The following ELMO1 variants were observed in gnomAD, a reference collection of about 807,000 sequenced individuals.
The protein encoded by ELMO1 is engulfment and cell motility protein 1.
ELMO1 carries 26 observed loss-of-function variants against 98.9 expected under a neutral mutation model. That is an observed-to-expected ratio of 0.26 (90% CI 0.19 to 0.36). The LOEUF (loss-of-function observed/expected upper bound fraction) is 0.36, where lower values mean the gene tolerates loss of function less well. Ranked by LOEUF, ELMO1 falls within the 10% of genes least tolerant of loss-of-function variation. The probability of loss-of-function intolerance (pLI) is 1.00; values close to 1 mark genes in which losing one functional copy is unlikely to be tolerated. For synonymous variants in ELMO1, 346 were observed against 346.0 expected, an observed-to-expected ratio of 1.00 and a Z score of 0.00; for missense variants, 627 against 935.2, an observed-to-expected ratio of 0.67 and a Z score of 4.30.
intron 4 of ELMO1, among the ~76,000 whole-genome samples, chr7:37,306,532 A>G (rs1037049627): frequency 2.6e-5 from 4 of 152,188 alleles, no homozygotes; most frequent in African/African-American, 9.7e-5. Context: ...TCATGCAGGA[A>G]TAGTGGAAAG....
chr7:37,178,268 A>C (rs1454477242), intron 13 of ELMO1, among the ~76,000 whole-genome samples: 2 of 152,064 alleles, frequency 1.3e-5, no homozygotes, highest in Admixed American at 1.3e-4. Flanking sequence ...GGAGAGAATA[A>C]GAACCAAGCA....
At chr7:37,333,290 A>G (rs1207648035) in intron 2 of ELMO1, among the ~76,000 whole-genome samples, 1 of 152,206 alleles carries the variant, frequency 6.6e-6, no homozygotes, top group Non-Finnish European at 1.5e-5. Context: ...CCTAACAGGA[A>G]AATAAGCACA....
chr7:37,219,898 C>T (rs955909888), intron 10 of ELMO1, among the ~76,000 whole-genome samples: 21 of 152,296 alleles, frequency 1.4e-4, no homozygotes, highest in Middle Eastern at 6.8e-3. Context: ...TGATGGCTGA[C>T]TTTGGTCAAT....
chr7:37,095,426 A>G (rs973717976), intron 15 of ELMO1, among the ~76,000 whole-genome samples: 2 of 152,222 alleles, frequency 1.3e-5, no homozygotes, highest in African/African-American at 2.4e-5. Flanking sequence ...CAAGTCAAGG[A>G]TCCATGTAAA....
chr7:37,101,360 C>T (rs977819740), intron 14 of ELMO1, among the ~76,000 whole-genome samples: 4 of 152,242 alleles, frequency 2.6e-5, no homozygotes, highest in East Asian at 1.9e-4. Flanking sequence ...TACAGAGAAA[C>T]GCCACACTTT....
At chr7:37,151,087 T>C (rs1366719125) in intron 13 of ELMO1, among the ~76,000 whole-genome samples, 1 of 152,178 alleles carries the variant, frequency 6.6e-6, no homozygotes, top group Non-Finnish European at 1.5e-5. Context: ...TCTGCCCACA[T>C]CATTTCAAAC....
In ELMO1 at chr7:37,437,915, G is replaced by A. The variant is rs1374936259; in HGVS notation, c.-74+10760C>T. On this transcript the variant is annotated intron_variant, in intron 1 of 21. Transcript: ENST00000310758. ...GTGAACCCGGGAAGCGGAGCTTGCA[G>A]TGAGCCGAGATTGCGCCACTGCAGT... 2.9e-4 allele frequency among the ~76,000 whole-genome samples: 4 copies of A among 13,596 alleles called. 2 individuals carry two copies. The highest frequency in any genetic ancestry group is 1.7e-3 in the Admixed American group (2 of 1,158). 8.9% of individuals were successfully genotyped at this position (13,596 alleles called of 152,430 possible).
At chr7:37,227,507 T>C (rs909228038) in intron 8 of ELMO1, among the ~76,000 whole-genome samples, 1 of 152,324 alleles carries the variant, frequency 6.6e-6, no homozygotes, top group African/African-American at 2.4e-5. Context: ...TGCCTCAGCC[T>C]CTTAAGTAGC....
intron 1 of ELMO1, among the ~76,000 whole-genome samples, chr7:37,346,605 G>A (rs962932088): frequency 6.6e-5 from 10 of 152,106 alleles, no homozygotes; most frequent in African/African-American, 1.9e-4. Context: ...ACTTCAGTTC[G>A]ACATCCAAGT....
rs79697562 is a variant in ELMO1, at chr7:37,217,606, G to C, written c.781-911C>G. The C allele has an allele frequency of 1.2e-3, 526 of 423,798 alleles. 3 individuals carry two copies. The highest frequency in any genetic ancestry group is 9.6e-3 in the African/African-American group (469 of 48,752). 26.3% of individuals were successfully genotyped at this position (423,798 alleles called of 1,614,324 possible). A position where few individuals can be genotyped will look rare whatever the true frequency, so the allele number is the denominator to read the frequency against. The stretch of plus-strand genomic sequence containing the variant: ...AAAGCAAAGAAAACCAAGAACATGG[G>C]GGGTGGGGGAGATTTCTGAGGAGGG... On this transcript the variant is annotated intron_variant, in intron 10 of 21. Coordinates refer to ENST00000310758, the MANE Select transcript of ELMO1 (RefSeq NM_014800.11).
intron 16 of ELMO1, among the ~76,000 whole-genome samples, chr7:36,970,804 C>T (rs1789874799): frequency 6.6e-6 from 1 of 152,218 alleles, no homozygotes; most frequent in African/African-American, 2.4e-5. Flanking sequence ...CAGAGCTGGC[C>T]ACTCAGTCTG....
At chr7:37,057,021 G>GT (rs201141574) in intron 15 of ELMO1, among the ~76,000 whole-genome samples, 2,152 of 152,212 alleles carry the variant, frequency 0.014, 18 homozygotes, top group Middle Eastern at 0.041. Flanking sequence ...AAAAATATCT[G>GT]TATTATATTT....
intron 16 of ELMO1, among the ~76,000 whole-genome samples, chr7:36,898,900 G>A (rs892907471): frequency 6.6e-6 from 1 of 152,220 alleles, no homozygotes; most frequent in African/African-American, 2.4e-5. Context: ...TCACAGGGGA[G>A]CAAGGGGTCA....
chr7:37,448,157 G>A (rs532599960), intron 1 of ELMO1, among the ~76,000 whole-genome samples: 115 of 151,504 alleles, frequency 7.6e-4, no homozygotes, highest in Middle Eastern at 3.5e-3. Flanking sequence ...CTCGCCGGGG[G>A]ATTCCCTCCC....
chr7:37,016,396 C>A (rs908771782), intron 15 of ELMO1, among the ~76,000 whole-genome samples: 5 of 152,074 alleles, frequency 3.3e-5, no homozygotes, highest in Non-Finnish European at 7.4e-5. Context: ...ATAAATAACA[C>A]CTTCCATCAT....
intron 1 of ELMO1, among the ~76,000 whole-genome samples, chr7:37,398,468 G>C (rs905284234): frequency 2.0e-5 from 3 of 152,192 alleles, no homozygotes; most frequent in Admixed American, 2.0e-4. Flanking sequence ...GGAGGAACCA[G>C]AAAGCGATGG....
Position 37,347,907 on chromosome 7 carries a change from T to C in ELMO1, c.-73-5144A>G, listed in dbSNP as rs148715213. Among the ~76,000 whole-genome samples the C allele has an allele frequency of 3.6e-3, 551 of 152,220 alleles. 4 individuals are homozygous for C. Among genetic ancestry groups the C allele is most frequent in the Non-Finnish European group, 5.8e-3 (392 of 68,012 alleles). On this transcript the variant is annotated intron_variant, in intron 1 of 21. Transcript: ENST00000310758. The stretch of plus-strand genomic sequence containing the variant: ...CCAACTCCTCTTGGTGAGGCATAAC[T>C]GAGAAGGAAATACATTCTAAAATCT...
intron 21 of ELMO1, among the ~76,000 whole-genome samples, chr7:36,858,272 A>G (rs1802356695): frequency 6.6e-6 from 1 of 152,168 alleles, no homozygotes; most frequent in South Asian, 2.1e-4. Context: ...ACCTTTTGCA[A>G]CCTCTAATGG....
At chr7:37,200,516 G>A (rs191131545) in intron 13 of ELMO1, among the ~76,000 whole-genome samples, 2 of 152,178 alleles carry the variant, frequency 1.3e-5, no homozygotes, top group African/African-American at 4.8e-5. Flanking sequence ...CAGGCAGGGT[G>A]CTGGCAATCC....
Sources: gnomAD v4.1 joint callset for allele counts (sites outside exome capture counted in the v4.1 genomes callset) on GRCh38, gnomAD v4.1.1 for gene constraint, MANE v1.5 for transcripts, NCBI Gene and HGNC (gene_info 2026-07-23, HGNC 2026-07-21) for gene names.